The following MYO16 variants were observed in gnomAD, a reference collection of about 807,000 sequenced individuals.
The protein encoded by MYO16 is unconventional myosin-XVI.
MYO16 carries 94 observed loss-of-function variants against 205.3 expected under a neutral mutation model. The observed-to-expected ratio is 0.46, with a 90% CI of 0.39 to 0.54. The LOEUF (loss-of-function observed/expected upper bound fraction) is 0.54, where lower values mean the gene tolerates loss of function less well. MYO16 is among the 20% of genes least tolerant of loss of function. MYO16 has a pLI of 0.00. For synonymous variants in MYO16, 988 were observed against 954.0 expected (o/e 1.04, Z -0.66); for missense variants, 2,315 against 2,387.5 (o/e 0.97, Z 0.63).
intron 33 of MYO16, among the ~76,000 whole-genome samples, chr13:109,165,496 G>A (rs888281591): frequency 2.0e-5 from 3 of 152,192 alleles, no homozygotes; most frequent in Admixed American, 1.3e-4. Context: ...TTGATTGCAG[G>A]TACAAAAGCT....
Position 109,162,878 on chromosome 13 carries a change from C to A in MYO16, c.5165-2023C>A, listed in dbSNP as rs1355066853. ...AAAAAAAAGCCAAACTAGAGTTGAC[C>A]ACATTGAATAAGTATTCTTTCAGTT... On this transcript the variant is annotated intron_variant, in intron 32 of 34. Coordinates refer to ENST00000457511, the MANE Select transcript of MYO16 (RefSeq NM_001198950.3). This position sits in a 1 kb window ranked among gnomAD's most constrained non-coding sequence, Gnocchi z 4.6. Among the ~76,000 whole-genome samples the A allele has an allele frequency of 2.6e-5, 4 of 152,066 alleles. No individual in the cohort carries two copies. Among genetic ancestry groups the A allele is most frequent in the Non-Finnish European group, 5.9e-5 (4 of 68,008 alleles).
At chr13:108,672,365 CT>C (rs1882027303) in intron 2 of MYO16, among the ~76,000 whole-genome samples, 2 of 152,078 alleles carry the variant, frequency 1.3e-5, no homozygotes, top group African/African-American at 2.4e-5. Flanking sequence ...ATTGTTTAAA[CT>C]TGCAGATTGT....
At chr13:109,070,521 A>C (rs575457934) in intron 27 of MYO16, among the ~76,000 whole-genome samples, 18 of 152,338 alleles carry the variant, frequency 1.2e-4, no homozygotes, top group Admixed American at 5.2e-4. Flanking sequence ...TACCAGCTTA[A>C]AGAGTTTGGT....
chr13:108,637,890 T>C (rs1340584172), intron 1 of MYO16, among the ~76,000 whole-genome samples: 1 of 151,956 alleles, frequency 6.6e-6, no homozygotes, highest in East Asian at 1.9e-4. Flanking sequence ...AATTAATTAA[T>C]TAAAAATAAA....
intron 33 of MYO16, among the ~76,000 whole-genome samples, chr13:109,175,655 T>C (rs1487255869): frequency 2.0e-5 from 3 of 152,186 alleles, no homozygotes; most frequent in Non-Finnish European, 4.4e-5. Flanking sequence ...CATGAATCTC[T>C]AAGCTGGGAA....
chr13:108,717,508 T>C (rs1016576051), intron 3 of MYO16, among the ~76,000 whole-genome samples: 8 of 151,304 alleles, frequency 5.3e-5, no homozygotes, highest in Admixed American at 2.6e-4. Flanking sequence ...TGGGCGCCTG[T>C]AATCCCAGCT....
chr13:108,824,777 G>A (rs2139025159), intron 9 of MYO16, among the ~76,000 whole-genome samples: 1 of 152,084 alleles, frequency 6.6e-6, no homozygotes, highest in East Asian at 1.9e-4. Flanking sequence ...GAAATATTAT[G>A]AACAATTGTA....
Position 108,682,932 on chromosome 13 carries a change from G to A in MYO16, c.292+16783G>A, listed in dbSNP as rs1029372760. Among the ~76,000 whole-genome samples, 22 of 152,264 alleles carry A rather than the reference G, an allele frequency of 1.4e-4. No individual in the cohort carries two copies. The South Asian group carries it at 3.9e-3, about 27-fold the overall frequency. ...AAAATATCTGATCCCTGCTGGCAAC[G>A]TGCCTTATGAAATGTAAGATAGAGT... On this transcript the variant is annotated intron_variant, in intron 2 of 34. Coordinates refer to ENST00000457511, the MANE Select transcript of MYO16 (RefSeq NM_001198950.3).
rs545209663 is a variant in MYO16, at chr13:108,923,544, C to T, written c.1925+13394C>T. Among the ~76,000 whole-genome samples, 42 of 152,358 alleles carry T rather than the reference C, an allele frequency of 2.8e-4. 2 individuals carry two copies. The South Asian group carries it at 8.5e-3, about 31-fold the overall frequency. On this transcript the variant is annotated intron_variant, in intron 16 of 34. Transcript: ENST00000457511. Reference sequence around the variant, plus strand: ...GCGAGGAAGGAGAAAGGAGAGGGAACACCAGCTCGGGCTGGTATGGCCAAC... The same window carrying T: ...GCGAGGAAGGAGAAAGGAGAGGGAATACCAGCTCGGGCTGGTATGGCCAAC...
At chr13:108,860,299 T>A (rs774719386) in intron 11 of MYO16, among the ~76,000 whole-genome samples, 4 of 150,814 alleles carry the variant, frequency 2.7e-5, no homozygotes, top group African/African-American at 7.3e-5. Flanking sequence ...CTAAGGATAA[T>A]AGCCTCCAGC....
intron 22 of MYO16, among the ~76,000 whole-genome samples, chr13:109,012,600 A>G (rs2139491146): frequency 6.6e-6 from 1 of 151,994 alleles, no homozygotes; most frequent in Admixed American, 6.5e-5. Context: ...GGTCCGTGGA[A>G]AAATTGTCTT....
intron 22 of MYO16, among the ~76,000 whole-genome samples, chr13:109,010,098 G>C (rs1885542003): frequency 6.6e-6 from 1 of 152,098 alleles, no homozygotes; most frequent in African/African-American, 2.4e-5. Context: ...TGAGGGGAGG[G>C]GTTGATCCAG....
intron 22 of MYO16, among the ~76,000 whole-genome samples, chr13:109,018,269 C>T (rs1174995683): frequency 6.6e-6 from 1 of 152,194 alleles, no homozygotes; most frequent in African/African-American, 2.4e-5. Flanking sequence ...CCACTCCAGA[C>T]CCTGTTTGCC....
Position 109,122,310 on chromosome 13 carries a change from C to A in MYO16, c.3535+1844C>A, listed in dbSNP as rs1249553604. Among the ~76,000 whole-genome samples, 51 of 149,056 alleles carry A rather than the reference C, an allele frequency of 3.4e-4. No homozygotes were observed. The Admixed American group carries it at 3.5e-3, about 10-fold the overall frequency. Reference sequence around the variant, plus strand: ...ATTTAACAAAGATTAAATTTCTATACCCTATTGACCTGGAACAGAAAAAAT... The same window carrying A: ...ATTTAACAAAGATTAAATTTCTATAACCTATTGACCTGGAACAGAAAAAAT... On this transcript the variant is annotated intron_variant, in intron 29 of 34. Coordinates refer to ENST00000457511, the MANE Select transcript of MYO16 (RefSeq NM_001198950.3).
intron 1 of MYO16, among the ~76,000 whole-genome samples, chr13:108,607,423 A>C (rs977352890): frequency 6.6e-6 from 1 of 152,096 alleles, no homozygotes; most frequent in African/African-American, 2.4e-5. Context: ...TGCAGTTCTC[A>C]TGACAGTGAG....
intron 4 of MYO16, among the ~76,000 whole-genome samples, chr13:108,781,582 G>T (rs1886306284): frequency 1.3e-5 from 2 of 152,150 alleles, no homozygotes; most frequent in Non-Finnish European, 2.9e-5. Context: ...GCCAAGCTTG[G>T]CCCTGGCTCC....
the MYO16 span, among the ~76,000 whole-genome samples, chr13:108,584,693 G>A: frequency 6.6e-6 from 1 of 151,846 alleles, no homozygotes; most frequent in Admixed American, 6.6e-5. Flanking sequence ...CCCTTTTTTA[G>A]CTCCCACATA....
chr13:108,508,453 C>A, the MYO16 span, among the ~76,000 whole-genome samples: 1 of 151,938 alleles, frequency 6.6e-6, no homozygotes, highest in Non-Finnish European at 1.5e-5. Context: ...CCTGCTCCCT[C>A]TGGTGTTTAT....
At chr13:108,796,987 G>T (rs7993305) in intron 6 of MYO16, among the ~76,000 whole-genome samples, 61,580 of 151,604 alleles carry the variant, frequency 0.41, 12,672 homozygotes, top group Middle Eastern at 0.5. Context: ...GGGGTAAACC[G>T]GAGAGTTTGT....
Sources: allele counts gnomAD v4.1 joint callset (sites outside exome capture counted in the v4.1 genomes callset), GRCh38; gene constraint gnomAD v4.1.1; non-coding constraint Gnocchi (gnomAD v3.1); transcripts MANE v1.5; gene names NCBI Gene and HGNC (gene_info 2026-07-23, HGNC 2026-07-21).